The following KCNQ5 variants were observed in gnomAD, a reference collection of about 807,000 sequenced individuals.
The protein encoded by KCNQ5 is potassium voltage-gated channel subfamily Q member 5.
In KCNQ5, 30 loss-of-function variants were observed where a neutral mutation model predicts 98.2. The ratio of observed to expected loss-of-function variants is 0.31; its 90% CI spans 0.23 to 0.41. KCNQ5 has a LOEUF of 0.41. KCNQ5 is among the 10% of genes least tolerant of loss of function. KCNQ5 has a pLI of 1.00. For missense variants in KCNQ5, 835 were observed against 1,182.5 expected, an observed-to-expected ratio of 0.71 and a Z score of 4.31; for synonymous variants, 458 against 449.4, an observed-to-expected ratio of 1.02 and a Z score of -0.24.
Position 73,133,450 on chromosome 6 carries a change from G to T in KCNQ5, c.1277G>T (p.Arg426Leu), listed in dbSNP as rs771827882. 5 of 1,613,998 alleles carry T rather than the reference G, an allele frequency of 3.1e-6. No individual in the cohort carries two copies. Among genetic ancestry groups the T allele is most frequent in the East Asian group, 4.5e-5 (2 of 44,892 alleles). The change falls in exon 10 of 14, where the codon CGC (arginine) becomes CTC (leucine). Residue 426 changes from arginine to leucine, a missense_variant. This residue lies in a region of KCNQ5 where 146 missense variants were observed against 256.7 expected (regional missense o/e 0.57). Coordinates refer to ENST00000370398, the MANE Select transcript of KCNQ5 (RefSeq NM_019842.4). ...SQKLSFKERV[R>L]MASPRGQSIK... is the part of the protein sequence containing the mutation. The stretch of plus-strand genomic sequence containing the variant: ...AAGCTAAGTTTTAAGGAGCGAGTGC[G>T]CATGGCTAGCCCCAGGGGCCAGAGT...
At chr6:72,675,552 A>G (rs1472893198) in intron 1 of KCNQ5, among the ~76,000 whole-genome samples, 8 of 152,060 alleles carry the variant, frequency 5.3e-5, no homozygotes, top group Non-Finnish European at 1.5e-5. Context: ...ATCTTACCAG[A>G]CAAACAATCT....
intron 5 of KCNQ5, among the ~76,000 whole-genome samples, chr6:73,086,440 T>C (rs990495319): frequency 1.3e-5 from 2 of 152,126 alleles, no homozygotes; most frequent in Non-Finnish European, 2.9e-5. Context: ...TCTTGGGTAC[T>C]TTACCCCATC....
intron 1 of KCNQ5, among the ~76,000 whole-genome samples, chr6:72,700,676 G>A (rs74899572): frequency 3.3e-4 from 51 of 152,248 alleles, no homozygotes; most frequent in Non-Finnish European, 5.7e-4. Flanking sequence ...CATTCACTCC[G>A]CCATGATCTT....
intron 1 of KCNQ5, among the ~76,000 whole-genome samples, chr6:72,670,721 TGGTGGAGA>T (rs1331897106): frequency 6.6e-6 from 1 of 152,212 alleles, no homozygotes; most frequent in Non-Finnish European, 1.5e-5. Flanking sequence ...TGTGCTCCTG[TGGTGGAGA>T]GAGACAGTAT....
At chr6:73,118,256 A>G (rs1434203884) in intron 7 of KCNQ5, among the ~76,000 whole-genome samples, 1 of 152,194 alleles carries the variant, frequency 6.6e-6, no homozygotes, top group Non-Finnish European at 1.5e-5. Flanking sequence ...TGGTTTTTGT[A>G]CGTTATGGAA....
In KCNQ5 at chr6:72,922,405, TG is replaced by T. The variant is rs142797416; in HGVS notation, c.399-81502del. ...AATTAACATATCCTTTACCTCATATTGTTTTTTTGTAGCAAGAACATTTAAA... is the reference window on the plus strand; with the variant it reads ...AATTAACATATCCTTTACCTCATATTTTTTTTTGTAGCAAGAACATTTAAA... On this transcript the variant is annotated intron_variant, in intron 1 of 13. Transcript: ENST00000370398. Among the ~76,000 whole-genome samples, 199 of 152,324 alleles carry T rather than the reference TG, an allele frequency of 1.3e-3. 2 individuals are homozygous for T. The highest frequency in any genetic ancestry group is 4.3e-3 in the African/African-American group (180 of 41,572).
intron 10 of KCNQ5, among the ~76,000 whole-genome samples, chr6:73,153,175 T>C (rs925420893): frequency 1.3e-5 from 2 of 152,106 alleles, no homozygotes; most frequent in African/African-American, 4.8e-5. Context: ...AAAGTGTAAA[T>C]CTTGTTGTTC....
intron 1 of KCNQ5, among the ~76,000 whole-genome samples, chr6:72,891,785 T>C (rs545966665): frequency 1.3e-5 from 2 of 152,198 alleles, no homozygotes; most frequent in East Asian, 1.9e-4. Flanking sequence ...ATCGCTATTA[T>C]CAGGCAAGAC....
At chr6:73,180,619 A>G (rs1026901001) in intron 11 of KCNQ5, among the ~76,000 whole-genome samples, 3 of 152,056 alleles carry the variant, frequency 2.0e-5, no homozygotes, top group Admixed American at 6.6e-5. Context: ...CATCACCCCA[A>G]TCCTGTCTCT....
At chr6:72,794,709 A>G (rs1774239923) in intron 1 of KCNQ5, among the ~76,000 whole-genome samples, 1 of 152,158 alleles carries the variant, frequency 6.6e-6, no homozygotes, top group African/African-American at 2.4e-5. Context: ...ATGTCTGTTC[A>G]TCTCTTTTTT....
At chr6:72,700,535 G>A (rs1768751162) in intron 1 of KCNQ5, among the ~76,000 whole-genome samples, 1 of 152,138 alleles carries the variant, frequency 6.6e-6, no homozygotes, top group Admixed American at 6.5e-5. Context: ...AAACCACAGT[G>A]AAAATTGCTT....
chr6:72,845,984 C>G (rs1486355468), intron 1 of KCNQ5, among the ~76,000 whole-genome samples: 1 of 152,092 alleles, frequency 6.6e-6, no homozygotes, highest in African/African-American at 2.4e-5. Context: ...GACTGAGGGT[C>G]AGAGAGGTTA....
chr6:73,188,982 CAAAAAAAA>C (rs67431655), intron 11 of KCNQ5, among the ~76,000 whole-genome samples: 1 of 82,426 alleles, frequency 1.2e-5, no homozygotes. Context: ...GACTCTGTCT[CAAAAAAAA>C]AAAAAAAAAA....
At chr6:72,926,561 C>A (rs1051365812) in intron 1 of KCNQ5, among the ~76,000 whole-genome samples, 1 of 152,090 alleles carries the variant, frequency 6.6e-6, no homozygotes, top group East Asian at 1.9e-4. Context: ...GGGCTACCAA[C>A]AACACTAATA....
intron 3 of KCNQ5, chr6:73,042,336 T>G: frequency 2.1e-6 from 1 of 467,402 alleles, no homozygotes; most frequent in Non-Finnish European, 3.9e-6. Flanking sequence ...TACTAAGTGG[T>G]AGAGCTTGAA....
intron 10 of KCNQ5, among the ~76,000 whole-genome samples, chr6:73,136,395 T>G (rs1776473110): frequency 6.6e-6 from 1 of 152,248 alleles, no homozygotes; most frequent in Non-Finnish European, 1.5e-5. Flanking sequence ...CACAATATTT[T>G]CAGTATCTGC....
At chr6:72,629,761 G>C (rs1369252916) in intron 1 of KCNQ5, among the ~76,000 whole-genome samples, 1 of 152,184 alleles carries the variant, frequency 6.6e-6, no homozygotes, top group African/African-American at 2.4e-5. Context: ...TCTTTAATAT[G>C]TATGTGTTTT....
At chr6:72,939,075 A>T (rs1381016244) in intron 1 of KCNQ5, among the ~76,000 whole-genome samples, 1 of 152,206 alleles carries the variant, frequency 6.6e-6, no homozygotes, top group African/African-American at 2.4e-5. Flanking sequence ...AGGCCTTGAC[A>T]TGCCTTGTCT....
intron 10 of KCNQ5, among the ~76,000 whole-genome samples, chr6:73,152,300 T>C (rs1223387396): frequency 2.6e-5 from 4 of 152,182 alleles, no homozygotes; most frequent in Non-Finnish European, 5.9e-5. Context: ...ATTTGAAAGT[T>C]GGACTTGCAT....
Sources: allele counts gnomAD v4.1 joint callset (sites outside exome capture counted in the v4.1 genomes callset), GRCh38; gene constraint gnomAD v4.1.1; regional missense constraint gnomAD v4.1.1; transcripts MANE v1.5; gene names NCBI Gene and HGNC (gene_info 2026-07-23, HGNC 2026-07-21).